The following RAB6B variants were observed in gnomAD, a reference collection of about 807,000 sequenced individuals.
RAB6B encodes the protein RAB6B, member RAS oncogene family.
A neutral mutation model predicts 31.2 loss-of-function variants in RAB6B; 7 were observed. That is an observed-to-expected ratio of 0.22 (90% CI 0.13 to 0.42). RAB6B has a LOEUF of 0.42. Among genes scored for constraint, RAB6B ranks in the 10% least tolerant of loss-of-function variants. The probability of loss-of-function intolerance (pLI) is 1.00; values close to 1 mark genes in which losing one functional copy is unlikely to be tolerated. For missense variants in RAB6B, 149 were observed against 280.6 expected (o/e 0.53, Z 3.35); for synonymous variants, 105 against 104.9 (o/e 1.00, Z -0.01).
intron 7 of RAB6B, 45 bp downstream of exon 7, chr3:133,834,530 G>T: frequency 6.4e-7 from 1 of 1,561,466 alleles, no homozygotes; most frequent in Non-Finnish European, 8.8e-7. Context: ...GTGAATAAAT[G>T]GCTTCTATAC....
rs1305643893 is a variant in RAB6B, at chr3:133,864,595, T to G, written c.118A>C (p.Asn40His). Residue 40 changes from asparagine (N) to histidine (H), a missense_variant, in exon 2 of 8, where the codon AAC becomes CAC. This residue lies in a region of RAB6B where 75 missense variants were observed against 180.1 expected (regional missense o/e 0.42). Transcript: ENST00000285208. ...ITRFMYDSFD[N>H]TYQATIGIDF... The stretch of plus-strand genomic sequence containing the variant: ...ACCCAGGACCTCACCTGGTATGTGT[T>G]GTCGAAGCTGTCGTACATGAACCTC... 2.5e-6 allele frequency: 4 copies of G among 1,614,156 alleles called. No individual in the cohort carries two copies.
intron 4 of RAB6B, 125 bp from the exon 5 acceptor site, chr3:133,839,742 G>A (rs570896910): frequency 1.2e-5 from 9 of 743,362 alleles, no homozygotes; most frequent in African/African-American, 1.2e-4. Flanking sequence ...CCAGGGAGGG[G>A]TGTGAGCTCA....
chr3:133,859,062 T>C (rs1936122060), intron 2 of RAB6B, among the ~76,000 whole-genome samples: 1 of 152,202 alleles, frequency 6.6e-6, no homozygotes, highest in Non-Finnish European at 1.5e-5. Context: ...CACTGCAGCC[T>C]TGACCTCACA....
At position 133,885,540 on chromosome 3, in the gene RAB6B, G is replaced by A. The variant is rs929001528; in HGVS notation, c.70+9857C>T. ...GGATAGGGGAGCTCACACACCCAAT[G>A]GCCAGTTTCTGGTCATATGCCACAT... On this transcript the variant is annotated intron_variant, in intron 1 of 7. Coordinates refer to ENST00000285208, the MANE Select transcript of RAB6B (RefSeq NM_016577.4). The A allele has an allele frequency of 7.1e-6, 5 of 702,904 alleles. No individual in the cohort carries two copies. The African/African-American group carries it at 8.7e-5, about 12-fold the overall frequency. 43.5% of individuals were successfully genotyped at this position (702,904 alleles called of 1,614,324 possible). A position where few individuals can be genotyped will look rare whatever the true frequency, so the allele number is the denominator to read the frequency against.
At chr3:133,873,506 G>C (rs1936353607) in intron 1 of RAB6B, among the ~76,000 whole-genome samples, 1 of 152,154 alleles carries the variant, frequency 6.6e-6, no homozygotes, top group Admixed American at 6.5e-5. Context: ...CCCATCCTCA[G>C]GTACCTGACC....
intron 1 of RAB6B, among the ~76,000 whole-genome samples, chr3:133,880,163 A>G (rs530452138): frequency 5.3e-5 from 8 of 152,350 alleles, no homozygotes; most frequent in African/African-American, 1.9e-4. Flanking sequence ...GTAACTTGGT[A>G]GCTTATTTAA....
chr3:133,877,547 T>C (rs1688802312), intron 1 of RAB6B, among the ~76,000 whole-genome samples: 2 of 152,030 alleles, frequency 1.3e-5, no homozygotes, highest in Non-Finnish European at 2.9e-5. Context: ...AGAATATTTA[T>C]AGGAACAGAA....
At chr3:133,887,801 GT>G (rs1306046401) in intron 1 of RAB6B, among the ~76,000 whole-genome samples, 1 of 152,174 alleles carries the variant, frequency 6.6e-6, no homozygotes, top group African/African-American at 2.4e-5. Flanking sequence ...CAGCCATTTA[GT>G]TTAATTGGTT....
rs1032506197 is a variant in RAB6B at position 133,885,781 on chromosome 3, T to C, written c.70+9616A>G. ...CTCCCCTACAATCCTTCATTGTTCC[T>C]GAGGCCTCATTCTAAGAGAAAGAAT... On this transcript the variant is annotated intron_variant, in intron 1 of 7. Coordinates refer to ENST00000285208, the MANE Select transcript of RAB6B (RefSeq NM_016577.4). 3.2e-5 allele frequency: 19 copies of C among 596,996 alleles called. 1 individual carries two copies. Among genetic ancestry groups the C allele is most frequent in the South Asian group, 1.2e-4 (6 of 49,652 alleles). The allele number at this position is 596,996 out of a possible 1,614,324, so 37.0% of individuals were successfully genotyped here. A position where few individuals can be genotyped will look rare whatever the true frequency, so the allele number is the denominator to read the frequency against.
At chr3:133,869,954 T>G (rs750453346) in intron 1 of RAB6B, among the ~76,000 whole-genome samples, 1 of 152,226 alleles carries the variant, frequency 6.6e-6, no homozygotes, top group Non-Finnish European at 1.5e-5. Context: ...TGTAAATATT[T>G]TTATTGTCTT....
At chr3:133,846,876 T>C (rs547068665) in intron 2 of RAB6B, among the ~76,000 whole-genome samples, 1 of 152,278 alleles carries the variant, frequency 6.6e-6, no homozygotes, top group African/African-American at 2.4e-5. Flanking sequence ...TCTTCAAAAA[T>C]GAAGACAAAA....
intron 2 of RAB6B, among the ~76,000 whole-genome samples, chr3:133,863,832 A>G (rs563549544): frequency 1.1e-3 from 162 of 152,326 alleles, no homozygotes; most frequent in African/African-American, 3.7e-3. Context: ...AAAGAGTTGA[A>G]ATGATTAAGT....
At position 133,876,751 on chromosome 3, in the gene RAB6B, G is replaced by C. The variant is rs553180967; in HGVS notation, c.71-12109C>G. Among the ~76,000 whole-genome samples, 18 of 152,312 alleles carry C rather than the reference G, an allele frequency of 1.2e-4. No homozygotes were observed. In the East Asian group the frequency reaches 3.3e-3, roughly 28 times the overall value. ...AGAAAGTTCTCAAAAAGAGTCTGGA[G>C]TGCAGAAATTTTGTTGCCACTTGGA... On this transcript the variant is annotated intron_variant, in intron 1 of 7. Transcript: ENST00000285208.
Position 133,863,619 on chromosome 3 carries a change from G to A in RAB6B, c.129+965C>T, listed in dbSNP as rs140966145. ...TAGTCAGGCTCCGAGAAGCCCTGCA[G>A]CACAGCAGTAGATTTACTTTTGTTC... On this transcript the variant is annotated intron_variant, in intron 2 of 7. Transcript: ENST00000285208. Among the ~76,000 whole-genome samples, 481 of 152,192 alleles carry A rather than the reference G, an allele frequency of 3.2e-3. 5 individuals carry two copies. Among genetic ancestry groups the A allele is most frequent in the African/African-American group, 0.011 (440 of 41,524 alleles).
intron 2 of RAB6B, among the ~76,000 whole-genome samples, chr3:133,862,436 C>T (rs1385606089): frequency 1.3e-5 from 2 of 152,224 alleles, no homozygotes; most frequent in African/African-American, 4.8e-5. Context: ...GAGGCTAAAC[C>T]AGCCCTGAGG....
In RAB6B at chr3:133,828,182, C is replaced by T; in HGVS notation, c.*606G>A. ...AGCTCCACACGAGGTTGACGACCCA[C>T]TCTGGCCATGGAAAGACAAGAGTCA... On this transcript the variant is annotated 3_prime_UTR_variant, in exon 8 of 8. Transcript: ENST00000285208. 1 of 587,518 alleles carries T rather than the reference C, an allele frequency of 1.7e-6. No homozygotes were observed. The allele number at this position is 587,518 out of a possible 1,614,324, so 36.4% of individuals were successfully genotyped here.
intron 1 of RAB6B, among the ~76,000 whole-genome samples, chr3:133,870,195 C>T (rs1173279100): frequency 6.6e-6 from 1 of 152,138 alleles, no homozygotes; most frequent in Non-Finnish European, 1.5e-5. Context: ...GAAACAGGCA[C>T]CTTCTTCACA....
chr3:133,836,704 C>G (rs1192903403), intron 6 of RAB6B, among the ~76,000 whole-genome samples: 1 of 152,028 alleles, frequency 6.6e-6, no homozygotes, highest in Non-Finnish European at 1.5e-5. Flanking sequence ...GAGTAGCAGC[C>G]CAGTCTCTCC....
intron 1 of RAB6B, chr3:133,885,751 A>G: frequency 1.6e-6 from 1 of 620,324 alleles, no homozygotes; most frequent in South Asian, 1.9e-5. Flanking sequence ...GAGAGACAAT[A>G]GTCCCTCCCC....
Sources: allele counts gnomAD v4.1 joint callset (sites outside exome capture counted in the v4.1 genomes callset), GRCh38; gene constraint gnomAD v4.1.1; regional missense constraint gnomAD v4.1.1; transcripts MANE v1.5; gene names NCBI Gene and HGNC (gene_info 2026-07-23, HGNC 2026-07-21).